FILIP1L: variants seen among roughly 807,000 people sequenced by gnomAD.
FILIP1L encodes the protein filamin A interacting protein 1 like, also known as filamin A-interacting protein 1-like.
Under a neutral mutation model 96.6 loss-of-function variants are expected in FILIP1L, and 55 were observed. That is an observed-to-expected ratio of 0.57 (90% CI 0.46 to 0.71). FILIP1L has a LOEUF of 0.71. Ranked by LOEUF, FILIP1L falls within the 30% of genes least tolerant of loss-of-function variation. The probability of loss-of-function intolerance (pLI) is 0.00; values close to 1 mark genes in which losing one functional copy is unlikely to be tolerated. For missense variants in FILIP1L, 1,304 were observed against 1,321.2 expected, an observed-to-expected ratio of 0.99 and a Z score of 0.20; for synonymous variants, 467 against 473.9, an observed-to-expected ratio of 0.99 and a Z score of 0.19.
chr3:100,008,400 A>G (rs778550859), intron 1 of FILIP1L, among the ~76,000 whole-genome samples: 12 of 152,218 alleles, frequency 7.9e-5, no homozygotes, highest in Non-Finnish European at 1.6e-4. Context: ...CAAGATTTTC[A>G]TATGAGTTGC....
chr3:99,920,067 T>C (rs1707076864), intron 4 of FILIP1L, among the ~76,000 whole-genome samples: 1 of 152,230 alleles, frequency 6.6e-6, no homozygotes, highest in South Asian at 2.1e-4. Flanking sequence ...GCCAAGATTT[T>C]ATGAAAAGTA....
intron 1 of FILIP1L, among the ~76,000 whole-genome samples, chr3:100,089,009 A>AT (rs1185617674): frequency 1.3e-5 from 2 of 152,232 alleles, no homozygotes; most frequent in Non-Finnish European, 2.9e-5. Context: ...GAGAGAAAGT[A>AT]TCCTTTGATG....
intron 4 of FILIP1L, among the ~76,000 whole-genome samples, chr3:99,861,948 C>T (rs1405414196): frequency 1.3e-5 from 2 of 152,146 alleles, no homozygotes; most frequent in Non-Finnish European, 2.9e-5. Flanking sequence ...TAGAGCCTCC[C>T]TCACAATAGG....
At chr3:99,981,828 C>T (rs1392536978) in intron 1 of FILIP1L, among the ~76,000 whole-genome samples, 1 of 152,122 alleles carries the variant, frequency 6.6e-6, no homozygotes, top group African/African-American at 2.4e-5. Context: ...AGGGAAGGTT[C>T]GTGAGACAAC....
chr3:99,955,892 T>C (rs1376023050), intron 1 of FILIP1L, among the ~76,000 whole-genome samples: 1 of 152,134 alleles, frequency 6.6e-6, no homozygotes, highest in Non-Finnish European at 1.5e-5. Flanking sequence ...AAACGCATCT[T>C]CTCTGTTCTC....
At chr3:100,112,517 C>A (rs1240723623) in intron 1 of FILIP1L, among the ~76,000 whole-genome samples, 1 of 152,156 alleles carries the variant, frequency 6.6e-6, no homozygotes, top group African/African-American at 2.4e-5. Context: ...AAATTTATTG[C>A]TAATTTATTG....
At chr3:99,945,971 C>CT (rs2107682130) in intron 1 of FILIP1L, among the ~76,000 whole-genome samples, 1 of 152,310 alleles carries the variant, frequency 6.6e-6, no homozygotes, top group South Asian at 2.1e-4. Context: ...TATCCTCTGC[C>CT]TAGCAGCTCT....
At chr3:100,022,067 A>G (rs932930623) in intron 1 of FILIP1L, among the ~76,000 whole-genome samples, 1 of 152,044 alleles carries the variant, frequency 6.6e-6, no homozygotes, top group Non-Finnish European at 1.5e-5. Context: ...AGTAGCTTGT[A>G]ACCAACACAC....
chr3:100,109,614 T>C (rs545530932), intron 1 of FILIP1L, among the ~76,000 whole-genome samples: 11 of 152,270 alleles, frequency 7.2e-5, no homozygotes, highest in African/African-American at 2.4e-4. Context: ...ATTCTTTCAA[T>C]TGGCATAATG....
chr3:99,962,954 T>C (rs1393754989), intron 1 of FILIP1L, among the ~76,000 whole-genome samples: 2 of 152,238 alleles, frequency 1.3e-5, no homozygotes, highest in East Asian at 3.8e-4. Flanking sequence ...CATCCATATT[T>C]CACATGTTAC....
At chr3:100,053,477 C>T (rs963178337) in intron 1 of FILIP1L, among the ~76,000 whole-genome samples, 1 of 152,132 alleles carries the variant, frequency 6.6e-6, no homozygotes, top group East Asian at 1.9e-4. Flanking sequence ...GTGTCTGTAT[C>T]CAAATTTCTG....
At chr3:99,931,320 C>T (rs1707476235) in intron 1 of FILIP1L, among the ~76,000 whole-genome samples, 1 of 152,194 alleles carries the variant, frequency 6.6e-6, no homozygotes, top group Admixed American at 6.5e-5. Context: ...AAGCATTCCA[C>T]CTCAGGAACC....
intron 1 of FILIP1L, among the ~76,000 whole-genome samples, chr3:99,994,616 G>A (rs995913094): frequency 2.6e-5 from 4 of 152,122 alleles, no homozygotes; most frequent in Non-Finnish European, 5.9e-5. Context: ...AAATTAAACA[G>A]CATGTTCCTG....
chr3:100,027,813 A>G (rs564600729), intron 1 of FILIP1L, among the ~76,000 whole-genome samples: 1 of 152,190 alleles, frequency 6.6e-6, no homozygotes, highest in Non-Finnish European at 1.5e-5. Context: ...CTCAGAGGGA[A>G]AAGCATGTGT....
At chr3:99,891,336 T>G (rs981354546) in intron 4 of FILIP1L, among the ~76,000 whole-genome samples, 1 of 152,214 alleles carries the variant, frequency 6.6e-6, no homozygotes, top group Admixed American at 6.5e-5. Flanking sequence ...GGCTTTGTAC[T>G]CTGTCTACAT....
At chr3:99,956,185 A>G (rs113007403) in intron 1 of FILIP1L, among the ~76,000 whole-genome samples, 4,047 of 152,178 alleles carry the variant, frequency 0.027, 193 homozygotes, top group African/African-American at 0.092. Context: ...TCTTCCACTT[A>G]TTCCTTAACC....
intron 3 of FILIP1L, among the ~76,000 whole-genome samples, chr3:99,927,145 A>G (rs543308089): frequency 2.0e-5 from 3 of 152,312 alleles, no homozygotes; most frequent in African/African-American, 4.8e-5. Flanking sequence ...GCTTTTTTCA[A>G]TGCCAAGACC....
At chr3:100,002,147 G>C (rs1387262663) in intron 1 of FILIP1L, among the ~76,000 whole-genome samples, 1 of 152,186 alleles carries the variant, frequency 6.6e-6, no homozygotes, top group Non-Finnish European at 1.5e-5. Flanking sequence ...ACAGACCTGT[G>C]TCTCTAATGA....
chr3:99,943,276 G>A (rs1225083516), intron 1 of FILIP1L, among the ~76,000 whole-genome samples: 1 of 152,114 alleles, frequency 6.6e-6, no homozygotes, highest in African/African-American at 2.4e-5. Context: ...AAGGAGGTTT[G>A]AAGACATTTC....
Sources: gnomAD v4.1 joint callset for allele counts (sites outside exome capture counted in the v4.1 genomes callset) on GRCh38, gnomAD v4.1.1 for gene constraint, MANE v1.5 for transcripts, NCBI Gene and HGNC (gene_info 2026-07-23, HGNC 2026-07-21) for gene names.